ZNF710: variants seen among roughly 807,000 people sequenced by gnomAD.
ZNF710 encodes zinc finger protein 710.
In ZNF710, 13 loss-of-function variants were observed where a neutral mutation model predicts 50.6. That is an observed-to-expected ratio of 0.26 (90% CI 0.17 to 0.41). The LOEUF (loss-of-function observed/expected upper bound fraction) is 0.41, where lower values mean the gene tolerates loss of function less well. Among genes scored for constraint, ZNF710 ranks in the 10% least tolerant of loss-of-function variants. The pLI, the probability that ZNF710 is intolerant of heterozygous loss-of-function variation, is 1.00. For missense variants in ZNF710, 721 were observed against 936.6 expected, an observed-to-expected ratio of 0.77 and a Z score of 3.01; for synonymous variants, 383 against 397.0, an observed-to-expected ratio of 0.96 and a Z score of 0.42.
intron 1 of ZNF710, among the ~76,000 whole-genome samples, chr15:90,022,260 C>T (rs1898647173): frequency 6.6e-6 from 1 of 151,782 alleles, no homozygotes; most frequent in Admixed American, 6.6e-5. Flanking sequence ...CCTGTAATCC[C>T]AGCTACTCAG....
intron 1 of ZNF710, among the ~76,000 whole-genome samples, chr15:90,055,530 T>A (rs1280053573): frequency 6.6e-6 from 1 of 152,182 alleles, no homozygotes; most frequent in African/African-American, 2.4e-5. Flanking sequence ...GTGACTGGGA[T>A]GTGGAGCAGG....
intron 1 of ZNF710, among the ~76,000 whole-genome samples, chr15:90,058,325 C>T (rs1899890934): frequency 6.6e-6 from 1 of 152,194 alleles, no homozygotes; most frequent in South Asian, 2.1e-4. Context: ...TGTGCATCTG[C>T]TCTTGCTAAC....
intron 1 of ZNF710, among the ~76,000 whole-genome samples, chr15:90,044,532 T>C (rs778378172): frequency 6.6e-6 from 1 of 152,222 alleles, no homozygotes; most frequent in Non-Finnish European, 1.5e-5. Context: ...GCAGCCTGTG[T>C]TGACACATCC....
intron 1 of ZNF710, among the ~76,000 whole-genome samples, chr15:90,058,423 A>G (rs1421800117): frequency 6.6e-6 from 1 of 152,140 alleles, no homozygotes; most frequent in African/African-American, 2.4e-5. Context: ...CTCAGAGAAG[A>G]GCAAAGCCTT....
chr15:90,019,746 G>A (rs1353149067), intron 1 of ZNF710, among the ~76,000 whole-genome samples: 1 of 152,200 alleles, frequency 6.6e-6, no homozygotes, highest in Non-Finnish European at 1.5e-5. Flanking sequence ...CAGAGACCCT[G>A]TCTTGCCTCC....
At position 90,059,124 on chromosome 15, in the gene ZNF710, T is replaced by C. The variant is rs764355530; in HGVS notation, c.-28-7986T>C. Among the ~76,000 whole-genome samples the C allele has an allele frequency of 3.9e-5, 6 of 152,192 alleles. No homozygotes were observed. The South Asian group carries it at 1.2e-3, about 31-fold the overall frequency. On this transcript the variant is annotated intron_variant, in intron 1 of 4. Coordinates refer to ENST00000268154, the MANE Select transcript of ZNF710 (RefSeq NM_198526.4). This position sits in a 1 kb window ranked among gnomAD's most constrained non-coding sequence, Gnocchi z 4.1. The stretch of plus-strand genomic sequence containing the variant: ...AGAGAGGGTCCTCATCCTGTCCTCA[T>C]GTACTTCAAGGGAAGCAGTGCTTGC...
rs781567943 is a variant in ZNF710, at chr15:90,067,343, T to C, written c.206T>C (p.Leu69Pro). 1 of 1,601,612 alleles carries C rather than the reference T, an allele frequency of 6.2e-7. No individual in the cohort carries two copies. Among genetic ancestry groups the C allele is most frequent in the Non-Finnish European group, 8.5e-7 (1 of 1,174,124 alleles). ...PEPPGPDVYQ[L>P]ACNGRALEEP... ...CCACCAGGCCCCGACGTCTACCAGC[T>C]GGCCTGCAACGGGAGGGCCTTGGAG... The change falls in exon 2 of 5, where the codon CTG becomes CCG. Residue 69 changes from leucine to proline, a missense_variant. By Grantham distance (98) the Leu-to-Pro change is moderately conservative (BLOSUM62 -3). Transcript: ENST00000268154. The surrounding 1 kb of genome is among the most constrained non-coding windows in gnomAD (Gnocchi z 8.1).
Position 90,019,987 on chromosome 15 carries a change from T to C in ZNF710, c.-29+18373T>C, listed in dbSNP as rs115181916. Among the ~76,000 whole-genome samples the C allele has an allele frequency of 7.9e-3, 1,202 of 152,240 alleles. 15 individuals carry two copies. The highest frequency in any genetic ancestry group is 0.027 in the African/African-American group (1,125 of 41,536). On this transcript the variant is annotated intron_variant, in intron 1 of 4. Coordinates refer to ENST00000268154, the MANE Select transcript of ZNF710 (RefSeq NM_198526.4). ...GAGTGGGGGAGCCGAGGATTTCCTGTGGAGGCCTCAGACTCTAGCCCAGGA... is the reference window on the plus strand; with the variant it reads ...GAGTGGGGGAGCCGAGGATTTCCTGCGGAGGCCTCAGACTCTAGCCCAGGA...
At chr15:90,032,082 T>G (rs1328674241) in intron 1 of ZNF710, among the ~76,000 whole-genome samples, 1 of 152,202 alleles carries the variant, frequency 6.6e-6, no homozygotes, top group Non-Finnish European at 1.5e-5. Flanking sequence ...CTGCAACCTC[T>G]GGCTCCCAGG....
chr15:90,053,319 G>A (rs984179788), intron 1 of ZNF710, among the ~76,000 whole-genome samples: 3 of 151,748 alleles, frequency 2.0e-5, no homozygotes, highest in Admixed American at 1.3e-4. Flanking sequence ...GTGGTGAATG[G>A]TTGGGTTTCC....
chr15:90,043,023 G>C (rs1899346861), intron 1 of ZNF710, among the ~76,000 whole-genome samples: 1 of 152,242 alleles, frequency 6.6e-6, no homozygotes, highest in Non-Finnish European at 1.5e-5. Flanking sequence ...TGAGGGCCCA[G>C]CCTGAGCAGG....
intron 1 of ZNF710, among the ~76,000 whole-genome samples, chr15:90,057,763 A>G (rs1411620380): frequency 2.0e-5 from 3 of 151,076 alleles, no homozygotes; most frequent in Non-Finnish European, 4.4e-5. Context: ...CCTCTAGAAA[A>G]TCCCATGTCC....
intron 1 of ZNF710, among the ~76,000 whole-genome samples, chr15:90,052,139 C>T (rs1899664557): frequency 6.6e-6 from 1 of 152,124 alleles, no homozygotes; most frequent in South Asian, 2.1e-4. Flanking sequence ...AATACCATGG[C>T]CCCTCCCTGG....
intron 1 of ZNF710, among the ~76,000 whole-genome samples, chr15:90,013,188 TC>T (rs1002553481): frequency 6.6e-6 from 1 of 152,064 alleles, no homozygotes; most frequent in African/African-American, 2.4e-5. Context: ...AACCTCCACC[TC>T]CCCCGGGTTC....
At chr15:90,038,974 C>T (rs1033139173) in intron 1 of ZNF710, among the ~76,000 whole-genome samples, 1 of 152,132 alleles carries the variant, frequency 6.6e-6, no homozygotes. Context: ...GGTAACATGA[C>T]ATGTTATGTA....
At chr15:90,027,592 C>G (rs1181285514) in intron 1 of ZNF710, among the ~76,000 whole-genome samples, 1 of 151,994 alleles carries the variant, frequency 6.6e-6, no homozygotes, top group African/African-American at 2.4e-5. Flanking sequence ...TTGCTCATGC[C>G]TGTAATACTA....
rs982443015 is a variant in ZNF710 at position 90,039,003 on chromosome 15, G to A, written c.-28-28107G>A. ...TTATGTATAAAATGCTTCCTGCCAG[G>A]TGAGGTGGCTCACGCCTATAATCCC... On this transcript the variant is annotated intron_variant, in intron 1 of 4. Coordinates refer to ENST00000268154, the MANE Select transcript of ZNF710 (RefSeq NM_198526.4). Among the ~76,000 whole-genome samples the A allele has an allele frequency of 9.8e-5, 15 of 152,294 alleles. No individual in the cohort carries two copies. In the South Asian group the frequency reaches 2.5e-3, roughly 25 times the overall value.
chr15:90,079,238 G>A (rs1430182922), intron 4 of ZNF710, among the ~76,000 whole-genome samples: 3 of 152,220 alleles, frequency 2.0e-5, no homozygotes, highest in Non-Finnish European at 2.9e-5. Flanking sequence ...CGAGGCCTGC[G>A]AAGTGGCTGG....
chr15:90,071,257 G>A (rs1900371807), intron 2 of ZNF710, among the ~76,000 whole-genome samples: 1 of 115,944 alleles, frequency 8.6e-6, no homozygotes, highest in South Asian at 3.3e-4. Flanking sequence ...GCAAGACTCT[G>A]TCTTAAAAAA....
Sources: allele counts gnomAD v4.1 joint callset (sites outside exome capture counted in the v4.1 genomes callset), GRCh38; gene constraint gnomAD v4.1.1; non-coding constraint Gnocchi (gnomAD v3.1); transcripts MANE v1.5; gene names NCBI Gene and HGNC (gene_info 2026-07-23, HGNC 2026-07-21).